The following UNC5D variants were observed in gnomAD, a reference collection of about 807,000 sequenced individuals.
The protein encoded by UNC5D is netrin receptor UNC5D.
A neutral mutation model predicts 105.4 loss-of-function variants in UNC5D; 39 were observed. The observed-to-expected ratio is 0.37, with a 90% confidence interval of 0.29 to 0.48. The LOEUF (loss-of-function observed/expected upper bound fraction) is 0.48. Ranked by LOEUF, UNC5D falls within the 20% of genes least tolerant of loss-of-function variation. The pLI is 0.98. For missense variants in UNC5D, 991 were observed against 1,202.4 expected, an observed-to-expected ratio of 0.82 and a Z score of 2.60; for synonymous variants, 452 against 450.4, an observed-to-expected ratio of 1.00 and a Z score of -0.04.
At chr8:35,665,746 C>A (rs1480637229) in intron 4 of UNC5D, among the ~76,000 whole-genome samples, 1 of 150,168 alleles carries the variant, frequency 6.7e-6, no homozygotes, top group Non-Finnish European at 1.5e-5. Context: ...AGAAGTAACT[C>A]TCAATAATGT....
At chr8:35,647,431 T>G (rs1286692403) in intron 4 of UNC5D, among the ~76,000 whole-genome samples, 1 of 151,216 alleles carries the variant, frequency 6.6e-6, no homozygotes, top group Non-Finnish European at 1.5e-5. Flanking sequence ...GCTTATGTGG[T>G]TGTGTACAAT....
chr8:35,511,840 T>C (rs1812733556), intron 1 of UNC5D, among the ~76,000 whole-genome samples: 1 of 152,196 alleles, frequency 6.6e-6, no homozygotes, highest in African/African-American at 2.4e-5. Context: ...TGGAGTAGGT[T>C]GGATGTGCTT....
intron 1 of UNC5D, among the ~76,000 whole-genome samples, chr8:35,458,949 G>C (rs921118839): frequency 1.3e-5 from 2 of 152,116 alleles, no homozygotes; most frequent in African/African-American, 4.8e-5. Flanking sequence ...GGATGCAGTG[G>C]CATTTTAATT....
chr8:35,561,835 G>A (rs930156444), intron 2 of UNC5D, among the ~76,000 whole-genome samples: 4 of 152,002 alleles, frequency 2.6e-5, no homozygotes, highest in Non-Finnish European at 4.4e-5. Flanking sequence ...AATCAAATAA[G>A]GATAATAGAA....
At chr8:35,705,243 C>T (rs1042206017) in intron 7 of UNC5D, among the ~76,000 whole-genome samples, 10 of 152,144 alleles carry the variant, frequency 6.6e-5, no homozygotes, top group African/African-American at 1.9e-4. Flanking sequence ...GGATTATAGG[C>T]GTGAGCCACC....
At chr8:35,247,596 TAATATATA>T (rs1257101704) in intron 1 of UNC5D, among the ~76,000 whole-genome samples, 2 of 101,144 alleles carry the variant, frequency 2.0e-5, no homozygotes, top group Non-Finnish European at 3.7e-5. Flanking sequence ...AAAATATATA[TAATATATA>T]AATATATATT....
intron 1 of UNC5D, among the ~76,000 whole-genome samples, chr8:35,458,641 G>A (rs1585889974): frequency 6.6e-6 from 1 of 152,188 alleles, no homozygotes; most frequent in Non-Finnish European, 1.5e-5. Context: ...CAGGGATACT[G>A]GAAGTGGTTG....
rs1249298140 is a variant in UNC5D, at chr8:35,750,730, T to C, written c.2084T>C (p.Val695Ala). ...GCCGTGAAGCAACTGAAGGTGGCGG[T>C]TTTTGGCTGCATGTCCTGTAACTCC... ...DCAVKQLKVA[V>A]FGCMSCNSLD... is the part of the protein sequence containing the mutation. Residue 695 changes from valine (V) to alanine (A), a missense_variant, in exon 13 of 17, where the codon GTT becomes GCT. Val to Ala is a moderately conservative substitution (Grantham distance 64). Transcript: ENST00000404895. 1 of 1,614,042 alleles carries C rather than the reference T, an allele frequency of 6.2e-7. No homozygotes were observed.
chr8:35,765,281 A>G (rs543907030), intron 14 of UNC5D, among the ~76,000 whole-genome samples: 2 of 152,304 alleles, frequency 1.3e-5, no homozygotes, highest in East Asian at 3.9e-4. Flanking sequence ...TTAGGCTTCC[A>G]GCCCCTTCCG....
At chr8:35,632,485 G>A (rs1822102406) in intron 4 of UNC5D, among the ~76,000 whole-genome samples, 1 of 152,312 alleles carries the variant, frequency 6.6e-6, no homozygotes, top group East Asian at 1.9e-4. Context: ...ACCTCAAGCC[G>A]ACCTGATTGT....
intron 1 of UNC5D, among the ~76,000 whole-genome samples, chr8:35,351,633 G>A (rs906940609): frequency 2.0e-5 from 3 of 152,000 alleles, no homozygotes; most frequent in African/African-American, 7.2e-5. Flanking sequence ...AGGAAGAAGT[G>A]TATAGCATTA....
At chr8:35,507,604 G>C (rs1003414374) in intron 1 of UNC5D, among the ~76,000 whole-genome samples, 3 of 151,590 alleles carry the variant, frequency 2.0e-5, no homozygotes, top group Non-Finnish European at 4.4e-5. Context: ...CAAAGGCTGG[G>C]AAGAGTAGTG....
intron 4 of UNC5D, among the ~76,000 whole-genome samples, chr8:35,671,698 T>C (rs528761616): frequency 2.6e-5 from 4 of 152,184 alleles, no homozygotes; most frequent in Non-Finnish European, 5.9e-5. Flanking sequence ...ATTTTCAAAA[T>C]GTTTTTCTTC....
At chr8:35,576,938 C>T (rs984842135) in intron 3 of UNC5D, among the ~76,000 whole-genome samples, 10 of 152,074 alleles carry the variant, frequency 6.6e-5, no homozygotes, top group African/African-American at 1.7e-4. Flanking sequence ...AAACATTTGA[C>T]GTAATTTCAG....
chr8:35,782,037 T>C (rs1425856624), intron 16 of UNC5D, among the ~76,000 whole-genome samples: 1 of 152,220 alleles, frequency 6.6e-6, no homozygotes, highest in Non-Finnish European at 1.5e-5. Flanking sequence ...TTTCGGGTTT[T>C]CCATGCCAGC....
intron 2 of UNC5D, among the ~76,000 whole-genome samples, chr8:35,557,245 C>G (rs1034934464): frequency 1.3e-5 from 2 of 152,174 alleles, no homozygotes; most frequent in African/African-American, 2.4e-5. Context: ...TAATTCTAAT[C>G]TCTTGTGTGG....
intron 2 of UNC5D, among the ~76,000 whole-genome samples, chr8:35,561,547 A>G (rs1730336469): frequency 1.3e-5 from 2 of 152,198 alleles, no homozygotes; most frequent in Non-Finnish European, 2.9e-5. Flanking sequence ...TTCTTAAAAT[A>G]CTATGGTGCC....
At chr8:35,457,988 G>T (rs1808610318) in intron 1 of UNC5D, among the ~76,000 whole-genome samples, 1 of 152,144 alleles carries the variant, frequency 6.6e-6, no homozygotes, top group Non-Finnish European at 1.5e-5. Flanking sequence ...TTGAGGTAAA[G>T]CATGTAACAT....
At chr8:35,261,660 A>G (rs1347388939) in intron 1 of UNC5D, among the ~76,000 whole-genome samples, 1 of 151,988 alleles carries the variant, frequency 6.6e-6, no homozygotes, top group African/African-American at 2.4e-5. Context: ...TGTGTATTTC[A>G]CGGAGGCTCA....
Sources: gnomAD v4.1 joint callset for allele counts (sites outside exome capture counted in the v4.1 genomes callset) on GRCh38, gnomAD v4.1.1 for gene constraint, MANE v1.5 for transcripts, NCBI Gene and HGNC (gene_info 2026-07-23, HGNC 2026-07-21) for gene names.